The following CHCHD3 variants were observed in gnomAD, a reference collection of about 807,000 sequenced individuals.
CHCHD3 encodes the protein coiled-coil-helix-coiled-coil-helix domain containing 3, also known as MICOS complex subunit MIC19.
Under a neutral mutation model 38.2 loss-of-function variants are expected in CHCHD3, and 20 were observed. The observed-to-expected ratio is 0.52, with a 90% CI of 0.37 to 0.76. CHCHD3 has a LOEUF of 0.76. Among genes scored for constraint, CHCHD3 ranks in the 30% least tolerant of loss-of-function variants. CHCHD3 has a pLI of 0.00. For missense variants in CHCHD3, 245 were observed against 279.2 expected (o/e 0.88, Z 0.87); for synonymous variants, 82 against 100.0 (o/e 0.82, Z 1.07).
At chr7:132,802,588 T>C (rs1161083776) in intron 6 of CHCHD3, among the ~76,000 whole-genome samples, 1 of 152,156 alleles carries the variant, frequency 6.6e-6, no homozygotes, top group South Asian at 2.1e-4. Context: ...TGGTATGAGG[T>C]GGAAGAAACA....
intron 4 of CHCHD3, among the ~76,000 whole-genome samples, chr7:132,913,461 A>C (rs1810015321): frequency 6.6e-6 from 1 of 152,164 alleles, no homozygotes; most frequent in African/African-American, 2.4e-5. Flanking sequence ...TCAGGCAAAA[A>C]AACAGGTCCC....
At chr7:132,829,066 G>A (rs1052029101) in intron 6 of CHCHD3, among the ~76,000 whole-genome samples, 1 of 152,108 alleles carries the variant, frequency 6.6e-6, no homozygotes, top group East Asian at 1.9e-4. Context: ...CACTCAAAAC[G>A]CAAAATATGT....
At chr7:132,821,254 A>C (rs1269772094) in intron 6 of CHCHD3, among the ~76,000 whole-genome samples, 2 of 152,208 alleles carry the variant, frequency 1.3e-5, no homozygotes, top group Non-Finnish European at 2.9e-5. Context: ...AGGATATGCT[A>C]AAAACATAAA....
At chr7:132,818,151 ATCT>A (rs1479527901) in intron 6 of CHCHD3, among the ~76,000 whole-genome samples, 1 of 152,224 alleles carries the variant, frequency 6.6e-6, no homozygotes, top group East Asian at 1.9e-4. Flanking sequence ...TTTATGTGAT[ATCT>A]TCTTCATGTG....
chr7:132,796,297 A>T (rs1806610429), intron 7 of CHCHD3, 145 bp downstream of exon 7: 3 of 820,332 alleles, frequency 3.7e-6, no homozygotes, highest in Non-Finnish European at 5.8e-6. Flanking sequence ...GCCCTAATCA[A>T]CTCATTACAG....
chr7:133,051,714 G>C (rs1281628549), intron 2 of CHCHD3, among the ~76,000 whole-genome samples: 2 of 152,074 alleles, frequency 1.3e-5, no homozygotes, highest in African/African-American at 4.8e-5. Context: ...CTCAAAAAAA[G>C]ACAATTCTCA....
At chr7:132,994,238 CA>C (rs1392868294) in intron 3 of CHCHD3, among the ~76,000 whole-genome samples, 1 of 152,114 alleles carries the variant, frequency 6.6e-6, no homozygotes, top group Admixed American at 6.6e-5. Flanking sequence ...CCAAAACAAT[CA>C]AATAAGAGAA....
intron 4 of CHCHD3, among the ~76,000 whole-genome samples, chr7:132,957,791 T>C (rs1364653761): frequency 1.3e-5 from 2 of 152,168 alleles, no homozygotes; most frequent in African/African-American, 4.8e-5. Context: ...TCAATTTTCT[T>C]TCTTCAATAA....
At chr7:133,045,450 A>G (rs1813957342) in intron 2 of CHCHD3, among the ~76,000 whole-genome samples, 1 of 152,206 alleles carries the variant, frequency 6.6e-6, no homozygotes, top group African/African-American at 2.4e-5. Context: ...AGTCACCCTC[A>G]TTAAAACAAA....
chr7:132,949,251 T>C (rs1193312064), intron 4 of CHCHD3, among the ~76,000 whole-genome samples: 1 of 152,088 alleles, frequency 6.6e-6, no homozygotes, highest in Non-Finnish European at 1.5e-5. Context: ...ATGCTGGATA[T>C]GTATGGGCAA....
At chr7:132,911,593 C>T (rs1205922677) in intron 4 of CHCHD3, among the ~76,000 whole-genome samples, 1 of 152,206 alleles carries the variant, frequency 6.6e-6, no homozygotes, top group Non-Finnish European at 1.5e-5. Flanking sequence ...TGGGAAAATA[C>T]AAGTAGCATG....
At chr7:132,987,621 C>A (rs1812155459) in intron 3 of CHCHD3, among the ~76,000 whole-genome samples, 1 of 152,184 alleles carries the variant, frequency 6.6e-6, no homozygotes, top group Non-Finnish European at 1.5e-5. Context: ...ATTAGACAAT[C>A]TGGCACAAGG....
At chr7:132,956,659 A>G (rs1267474176) in intron 4 of CHCHD3, among the ~76,000 whole-genome samples, 1 of 152,222 alleles carries the variant, frequency 6.6e-6, no homozygotes, top group Non-Finnish European at 1.5e-5. Flanking sequence ...TTCAAGTAAG[A>G]ACACACAGAG....
intron 5 of CHCHD3, among the ~76,000 whole-genome samples, chr7:132,874,740 T>C (rs918324732): frequency 6.6e-6 from 1 of 151,622 alleles, no homozygotes; most frequent in Non-Finnish European, 1.5e-5. Flanking sequence ...TCTGAGGAGG[T>C]TGGAATAATG....
chr7:132,818,061 G>A (rs186982544), intron 6 of CHCHD3, among the ~76,000 whole-genome samples: 8 of 152,288 alleles, frequency 5.3e-5, no homozygotes, highest in Non-Finnish European at 8.8e-5. Context: ...AGCAAGAGAT[G>A]ATGCTGAACC....
intron 4 of CHCHD3, among the ~76,000 whole-genome samples, chr7:132,948,534 T>A (rs1562917772): frequency 6.6e-6 from 1 of 152,130 alleles, no homozygotes; most frequent in Non-Finnish European, 1.5e-5. Flanking sequence ...TTTAAACAAT[T>A]CATGTGAAAT....
chr7:132,931,142 C>T (rs1176874398), intron 4 of CHCHD3, among the ~76,000 whole-genome samples: 3 of 152,162 alleles, frequency 2.0e-5, no homozygotes, highest in African/African-American at 4.8e-5. Context: ...GATCAAGTCA[C>T]GATCTACTCA....
At chr7:132,873,138 G>A (rs143776563) in intron 5 of CHCHD3, among the ~76,000 whole-genome samples, 2 of 152,098 alleles carry the variant, frequency 1.3e-5, no homozygotes, top group South Asian at 2.1e-4. Context: ...ATGAAAAGGG[G>A]AGTGGAATCA....
Position 133,044,772 on chromosome 7 carries a change from C to T in CHCHD3, c.170-20145G>A, listed in dbSNP as rs531017722. ...ATGTATATGGCAGAAGAGCAGTCCA[C>T]TGGATGGGTCTGCAGGGCAGACTTG... On this transcript the variant is annotated intron_variant, in intron 2 of 7. Coordinates refer to ENST00000262570, the MANE Select transcript of CHCHD3 (RefSeq NM_017812.4). 2.6e-5 allele frequency among the ~76,000 whole-genome samples: 4 copies of T among 152,346 alleles called. No individual in the cohort carries two copies. In the South Asian group the frequency reaches 8.3e-4, roughly 32 times the overall value.
Sources: gnomAD v4.1 joint callset for allele counts (sites outside exome capture counted in the v4.1 genomes callset) on GRCh38, gnomAD v4.1.1 for gene constraint, MANE v1.5 for transcripts, NCBI Gene and HGNC (gene_info 2026-07-23, HGNC 2026-07-21) for gene names.